Variants in REV3L observed in about 807,000 individuals in gnomAD.
The protein encoded by REV3L is REV3 like, DNA directed polymerase zeta catalytic subunit.
In REV3L, 69 loss-of-function variants were observed where a neutral mutation model predicts 299.4. The observed-to-expected ratio is 0.23, with a 90% confidence interval of 0.19 to 0.28. REV3L has a LOEUF of 0.28. Ranked by LOEUF, REV3L falls within the 10% of genes least tolerant of loss-of-function variation. The pLI, the probability that REV3L is intolerant of heterozygous loss-of-function variation, is 1.00. For missense variants in REV3L, 3,128 were observed against 3,693.8 expected (o/e 0.85, Z 3.97); for synonymous variants, 1,238 against 1,271.4 (o/e 0.97, Z 0.56).
At chr6:111,341,017 T>C (rs1051990949) in intron 21 of REV3L, among the ~76,000 whole-genome samples, 1 of 150,940 alleles carries the variant, frequency 6.6e-6, no homozygotes, top group African/African-American at 2.4e-5. Flanking sequence ...GTTTTATTTA[T>C]TGGTGTATAA....
intron 1 of REV3L, among the ~76,000 whole-genome samples, chr6:111,441,666 G>C (rs1279635929): frequency 6.6e-6 from 1 of 152,156 alleles, no homozygotes; most frequent in Non-Finnish European, 1.5e-5. Flanking sequence ...ATCTAGCTGG[G>C]AGTTAAGACT....
chr6:111,421,066 T>A (rs1353176354), intron 1 of REV3L, among the ~76,000 whole-genome samples: 1 of 152,106 alleles, frequency 6.6e-6, no homozygotes, highest in Admixed American at 6.5e-5. Flanking sequence ...AGGCGGAGGT[T>A]GCAGTGAGCC....
chr6:111,335,066 A>G (rs982859751), intron 22 of REV3L, among the ~76,000 whole-genome samples: 1 of 152,176 alleles, frequency 6.6e-6, no homozygotes, highest in Admixed American at 6.5e-5. Context: ...TATAACATTT[A>G]AAAAAGTTAC....
Position 111,482,954 on chromosome 6 carries a change from G to T in REV3L, c.-66C>A. 3 of 1,444,978 alleles carry T rather than the reference G, an allele frequency of 2.1e-6. No homozygotes were observed. Among genetic ancestry groups the T allele is most frequent in the Non-Finnish European group, 2.7e-6 (3 of 1,105,198 alleles). The allele number at this position is 1,444,978 out of a possible 1,614,324, so 89.5% of individuals were successfully genotyped here. ...GGCAGCGGCAGCAGCAGCGGCGGCG[G>T]CTCCCTCCGCAGCGGCGGCGGCGCC... On this transcript the variant is annotated 5_prime_UTR_variant, in exon 1 of 32. Coordinates refer to ENST00000368802, the MANE Select transcript of REV3L (RefSeq NM_001372078.1).
Position 111,373,699 on chromosome 6 carries a change from G to C in REV3L, c.4656C>G (p.Ser1552=). The change falls in exon 13 of 32, where the codon TCC becomes TCG. Residue 1552 remains serine (S), a synonymous_variant. Transcript: ENST00000368802. ...TATTTTTATTTGGTTGATGTTTATT[G>C]GATAATGGGTCTTGTGTAGTATTTG... ...QNANTTQDPL[S]NKHQPNKNIS... The C allele has an allele frequency of 6.2e-7, 1 of 1,613,844 alleles. No individual in the cohort carries two copies. Among genetic ancestry groups the C allele is most frequent in the Non-Finnish European group, 8.5e-7 (1 of 1,179,946 alleles).
chr6:111,361,313 G>T (rs1562181124), intron 16 of REV3L: 1 of 151,912 alleles, frequency 6.6e-6, no homozygotes, highest in African/African-American at 2.4e-5. Flanking sequence ...GAACCTGGGA[G>T]GTGGAGGTTG....
intron 1 of REV3L, chr6:111,460,222 C>T (rs1790597218): frequency 6.6e-6 from 1 of 152,000 alleles, no homozygotes; most frequent in East Asian, 1.9e-4. Flanking sequence ...ACCATGAGTA[C>T]ATATGGACAT....
intron 1 of REV3L, among the ~76,000 whole-genome samples, chr6:111,460,792 T>C (rs560612252): frequency 6.6e-6 from 1 of 152,124 alleles, no homozygotes; most frequent in African/African-American, 2.4e-5. Context: ...AATGCAGTCA[T>C]GTACTGCATA....
chr6:111,343,881 AATG>A, intron 21 of REV3L, 41 bp downstream of exon 21: 2 of 1,266,374 alleles, frequency 1.6e-6, no homozygotes, highest in Non-Finnish European at 2.2e-6. Flanking sequence ...ATTACATCTC[AATG>A]ATGATTTTAT....
intron 21 of REV3L, among the ~76,000 whole-genome samples, chr6:111,341,819 G>A (rs1316939393): frequency 1.3e-5 from 2 of 152,114 alleles, no homozygotes; most frequent in East Asian, 1.9e-4. Flanking sequence ...TCCCGAAAAC[G>A]AACAGGATGA....
chr6:111,382,441 TG>T (rs1260156077), intron 9 of REV3L, among the ~76,000 whole-genome samples: 10 of 152,124 alleles, frequency 6.6e-5, no homozygotes, highest in Non-Finnish European at 1.5e-4. Flanking sequence ...TGCTTTGCAT[TG>T]GAACTCAGTG....
intron 1 of REV3L, chr6:111,472,060 T>C: frequency 8.1e-7 from 1 of 1,231,996 alleles, no homozygotes; most frequent in Non-Finnish European, 1.1e-6. Flanking sequence ...TCAGATATAT[T>C]ATTCCATAGT....
chr6:111,335,024 A>G (rs996774413), intron 22 of REV3L, among the ~76,000 whole-genome samples: 3 of 152,190 alleles, frequency 2.0e-5, no homozygotes, highest in African/African-American at 7.2e-5. Context: ...TTACTTAGAT[A>G]TGAATTAAAT....
chr6:111,423,058 T>C (rs1785756180), intron 1 of REV3L, among the ~76,000 whole-genome samples: 1 of 152,130 alleles, frequency 6.6e-6, no homozygotes, highest in Admixed American at 6.5e-5. Context: ...GTTGGTTCCT[T>C]TATTCATAAA....
intron 13 of REV3L, among the ~76,000 whole-genome samples, chr6:111,369,922 T>C (rs1779616234): frequency 6.6e-6 from 1 of 151,996 alleles, no homozygotes; most frequent in Admixed American, 6.6e-5. Flanking sequence ...CTGCAACCTC[T>C]GACTCCCTGG....
chr6:111,402,500 T>C (rs2128270794), intron 4 of REV3L, among the ~76,000 whole-genome samples: 1 of 152,346 alleles, frequency 6.6e-6, no homozygotes, highest in South Asian at 2.1e-4. Context: ...TATTCCCTTT[T>C]GGCCTGCACT....
At chr6:111,432,009 A>G (rs1786999993) in intron 1 of REV3L, among the ~76,000 whole-genome samples, 1 of 152,194 alleles carries the variant, frequency 6.6e-6, no homozygotes, top group South Asian at 2.1e-4. Flanking sequence ...TTTGTAATTA[A>G]GATGTTTTTG....
intron 4 of REV3L, among the ~76,000 whole-genome samples, chr6:111,393,397 T>C (rs972619713): frequency 3.9e-5 from 6 of 152,152 alleles, no homozygotes; most frequent in Non-Finnish European, 8.8e-5. Flanking sequence ...TACATACTCA[T>C]AGAGCCACAT....
intron 16 of REV3L, among the ~76,000 whole-genome samples, chr6:111,360,412 T>C (rs573943960): frequency 1.3e-5 from 2 of 152,220 alleles, no homozygotes; most frequent in East Asian, 3.9e-4. Context: ...TTTGTCCTGA[T>C]TGAGTATTTT....
Sources: allele counts gnomAD v4.1 joint callset (sites outside exome capture counted in the v4.1 genomes callset), GRCh38; gene constraint gnomAD v4.1.1; transcripts MANE v1.5; gene names NCBI Gene and HGNC (gene_info 2026-07-23, HGNC 2026-07-21).